RIMS2: variants seen among roughly 807,000 people sequenced by gnomAD.
RIMS2 encodes the protein regulating synaptic membrane exocytosis 2, also known as regulating synaptic membrane exocytosis protein 2.
RIMS2 carries 59 observed loss-of-function variants against 174.4 expected under a neutral mutation model. The ratio of observed to expected loss-of-function variants is 0.34; its 90% confidence interval spans 0.27 to 0.42. RIMS2 has a LOEUF of 0.42. Ranked by LOEUF, RIMS2 falls within the 10% of genes least tolerant of loss-of-function variation. The pLI is 1.00. For missense variants in RIMS2, 1,620 were observed against 1,666.3 expected, an observed-to-expected ratio of 0.97 and a Z score of 0.48; for synonymous variants, 606 against 572.5, an observed-to-expected ratio of 1.06 and a Z score of -0.84.
At chr8:103,684,696 C>T (rs2096921026) in intron 1 of RIMS2, among the ~76,000 whole-genome samples, 3 of 152,000 alleles carry the variant, frequency 2.0e-5, no homozygotes, top group African/African-American at 7.2e-5. Context: ...AAGCAATTCT[C>T]CTGCCTCAGC....
intron 3 of RIMS2, among the ~76,000 whole-genome samples, chr8:103,840,287 A>T (rs909853897): frequency 1.3e-5 from 2 of 152,130 alleles, no homozygotes; most frequent in Admixed American, 1.3e-4. Flanking sequence ...CATGATATTC[A>T]GCCCCAAGTT....
At chr8:104,092,562 G>A (rs1423534385) in intron 19 of RIMS2, among the ~76,000 whole-genome samples, 3 of 151,586 alleles carry the variant, frequency 2.0e-5, no homozygotes, top group East Asian at 1.9e-4. Context: ...TACCACATAC[G>A]TCTTAGTTCT....
rs573365023 is a variant in RIMS2 at position 103,639,002 on chromosome 8, C to T, written c.177-58084C>T. Among the ~76,000 whole-genome samples the T allele has an allele frequency of 2.6e-5, 4 of 152,076 alleles. No homozygotes were observed. In the South Asian group the frequency reaches 8.3e-4, roughly 32 times the overall value. Reference sequence around the variant, plus strand: ...TTTAGCACTGCTGGCAGGGTTCATTCTAGCCTCCTCTCTTTGTTTATTTGT... The same window carrying T: ...TTTAGCACTGCTGGCAGGGTTCATTTTAGCCTCCTCTCTTTGTTTATTTGT... On this transcript the variant is annotated intron_variant, in intron 1 of 23. Transcript: ENST00000504942.
intron 4 of RIMS2, among the ~76,000 whole-genome samples, chr8:103,891,829 A>G (rs1046865724): frequency 6.6e-6 from 1 of 152,096 alleles, no homozygotes; most frequent in African/African-American, 2.4e-5. Flanking sequence ...TAATTTGTAG[A>G]GAAGACCTAG....
chr8:104,226,278 T>A (rs1587834494), intron 19 of RIMS2, among the ~76,000 whole-genome samples: 1 of 152,348 alleles, frequency 6.6e-6, no homozygotes, highest in African/African-American at 2.4e-5. Flanking sequence ...AGTCTGATTT[T>A]AAAGCTAGTC....
chr8:104,230,168 A>G (rs1031365348), intron 19 of RIMS2, among the ~76,000 whole-genome samples: 1 of 151,528 alleles, frequency 6.6e-6, no homozygotes, highest in African/African-American at 2.4e-5. Flanking sequence ...AATCCCAGCT[A>G]CTCAGGAGGC....
chr8:103,889,991 C>G (rs563582464), intron 4 of RIMS2, among the ~76,000 whole-genome samples: 10 of 152,044 alleles, frequency 6.6e-5, no homozygotes, highest in Admixed American at 5.3e-4. Flanking sequence ...AGGTCTGTTT[C>G]TTTACCTATA....
At chr8:103,505,862 A>G (rs1358591598) in intron 1 of RIMS2, among the ~76,000 whole-genome samples, 3 of 152,114 alleles carry the variant, frequency 2.0e-5, no homozygotes, top group Non-Finnish European at 2.9e-5. Context: ...ATTTGGTTAC[A>G]GCCATTTGTA....
intron 1 of RIMS2, among the ~76,000 whole-genome samples, chr8:103,617,955 A>G (rs2095544675): frequency 6.6e-6 from 1 of 152,202 alleles, no homozygotes; most frequent in South Asian, 2.1e-4. Flanking sequence ...GCAATTCCTC[A>G]AAGATTTAAT....
chr8:104,177,502 A>G (rs1006973222), intron 19 of RIMS2, among the ~76,000 whole-genome samples: 3 of 152,184 alleles, frequency 2.0e-5, no homozygotes, highest in Admixed American at 6.6e-5. Context: ...GTTAATCAAT[A>G]TGAAGTGCTA....
At chr8:103,952,082 G>GA (rs1239625072) in intron 14 of RIMS2, among the ~76,000 whole-genome samples, 7 of 152,154 alleles carry the variant, frequency 4.6e-5, no homozygotes, top group African/African-American at 1.7e-4. Flanking sequence ...GGGCATCTCT[G>GA]AAAAAAAGGC....
intron 3 of RIMS2, among the ~76,000 whole-genome samples, chr8:103,847,930 A>G (rs778171554): frequency 6.6e-6 from 1 of 151,908 alleles, no homozygotes; most frequent in Non-Finnish European, 1.5e-5. Context: ...TCTCAGGATG[A>G]ATTCATTGGT....
chr8:103,678,749 TA>T (rs2096844475), intron 1 of RIMS2, among the ~76,000 whole-genome samples: 1 of 152,228 alleles, frequency 6.6e-6, no homozygotes, highest in Middle Eastern at 3.4e-3. Context: ...TTTAAATGCA[TA>T]AAAGATAATA....
chr8:104,033,568 A>C (rs1004604321), intron 19 of RIMS2, among the ~76,000 whole-genome samples: 12 of 151,994 alleles, frequency 7.9e-5, no homozygotes, highest in African/African-American at 2.7e-4. Flanking sequence ...TATTTTACTT[A>C]GTTGAATTTA....
intron 1 of RIMS2, among the ~76,000 whole-genome samples, chr8:103,567,900 C>G (rs907453489): frequency 6.6e-6 from 1 of 152,186 alleles, no homozygotes; most frequent in African/African-American, 2.4e-5. Context: ...TTGCATTTCT[C>G]TAATGACAGA....
chr8:103,911,243 T>A (rs974008231), intron 5 of RIMS2, among the ~76,000 whole-genome samples: 4 of 152,208 alleles, frequency 2.6e-5, no homozygotes, highest in Non-Finnish European at 5.9e-5. Flanking sequence ...TTTACTTTCT[T>A]TACTTAGAAT....
At chr8:103,795,939 C>T (rs560844771) in intron 3 of RIMS2, among the ~76,000 whole-genome samples, 13 of 152,244 alleles carry the variant, frequency 8.5e-5, no homozygotes, top group South Asian at 4.1e-4. Flanking sequence ...ATACTTCCTC[C>T]GAAAGTAGCA....
At chr8:103,584,580 ATGG>A (rs2093802473) in intron 1 of RIMS2, among the ~76,000 whole-genome samples, 4 of 152,262 alleles carry the variant, frequency 2.6e-5, no homozygotes, top group African/African-American at 9.6e-5. Flanking sequence ...AAAATTTAAA[ATGG>A]GGGAGGATGA....
intron 19 of RIMS2, among the ~76,000 whole-genome samples, chr8:104,161,578 T>C (rs1198400321): frequency 6.6e-6 from 1 of 152,212 alleles, no homozygotes; most frequent in Non-Finnish European, 1.5e-5. Context: ...GGGACAACTT[T>C]TTTTAGATTA....
Sources: gnomAD v4.1 joint callset for allele counts (sites outside exome capture counted in the v4.1 genomes callset) on GRCh38, gnomAD v4.1.1 for gene constraint, MANE v1.5 for transcripts, NCBI Gene and HGNC (gene_info 2026-07-23, HGNC 2026-07-21) for gene names.